The following PCDHGB5 variants were observed in gnomAD, a reference collection of about 807,000 sequenced individuals.
PCDHGB5 encodes protocadherin gamma subfamily B, 5.
Under a neutral mutation model 62.9 loss-of-function variants are expected in PCDHGB5, and 48 were observed. That is an observed-to-expected ratio of 0.76 (90% confidence interval 0.61 to 0.97). The LOEUF (loss-of-function observed/expected upper bound fraction) is 0.97, where lower values mean the gene tolerates loss of function less well. PCDHGB5 is among the 50% of genes least tolerant of loss of function. PCDHGB5 has a pLI of 0.00. For missense variants in PCDHGB5, 1,118 were observed against 1,198.6 expected (o/e 0.93, Z 0.99); for synonymous variants, 474 against 511.2 (o/e 0.93, Z 0.98).
intron 2 of PCDHGB5, 69 bp from the exon 3 acceptor site, chr5:141,505,324 G>T: frequency 6.2e-7 from 1 of 1,607,102 alleles, no homozygotes; most frequent in African/African-American, 1.3e-5. Context: ...GGAGCCCTGG[G>T]AGAGGACAGG....
At chr5:141,502,288 G>C (rs2099813700) in intron 2 of PCDHGB5, among the ~76,000 whole-genome samples, 1 of 151,338 alleles carries the variant, frequency 6.6e-6, no homozygotes, top group African/African-American at 2.5e-5. Flanking sequence ...ATTGCATTTG[G>C]TTGTCACGTC....
intron 1 of PCDHGB5, among the ~76,000 whole-genome samples, chr5:141,465,538 A>AT (rs2099105284): frequency 6.6e-6 from 1 of 152,112 alleles, no homozygotes; most frequent in Non-Finnish European, 1.5e-5. Context: ...TTTCCCAGGC[A>AT]TTTTTTCTGC....
intron 1 of PCDHGB5, chr5:141,421,806 A>C (rs1027166084): frequency 4.3e-6 from 7 of 1,613,724 alleles, no homozygotes; most frequent in Non-Finnish European, 5.1e-6. Flanking sequence ...CCAAGAATCC[A>C]GAGCTAGTAC....
chr5:141,399,717 C>T lies in PCDHGB5; in HGVS notation c.1590C>T (p.Ala530=), dbSNP rs748626326. 3.1e-6 allele frequency: 5 copies of T among 1,613,320 alleles called. No homozygotes were observed. Among genetic ancestry groups the T allele is most frequent in the Non-Finnish European group, 4.2e-6 (5 of 1,179,880 alleles). Residue 530 remains alanine, a synonymous_variant, in exon 1 of 4, where the codon GCC becomes GCT. Transcript: ENST00000617380. ...GCACCTTCGAACTCACACTACAGGC[C>T]CGCGACCAGGGCTCGCCTGCGCTCA... is the stretch of plus-strand genomic sequence containing the variant. ...QLRTFELTLQ[A]RDQGSPALSA...
chr5:141,473,857 G>A (rs981688765), intron 1 of PCDHGB5, among the ~76,000 whole-genome samples: 1 of 152,164 alleles, frequency 6.6e-6, no homozygotes, highest in Non-Finnish European at 1.5e-5. Context: ...GATGAACCTC[G>A]CTATTGTGGA....
rs2099405848 is a variant in PCDHGB5 at position 141,477,120 on chromosome 5, A to G, written c.2398-17687A>G. 2 of 1,614,118 alleles carry G rather than the reference A, an allele frequency of 1.2e-6. No homozygotes were observed. Among genetic ancestry groups the G allele is most frequent in the African/African-American group, 2.7e-5 (2 of 74,942 alleles). On this transcript the variant is annotated intron_variant, in intron 1 of 3. Transcript: ENST00000617380. This position sits in a 1 kb window ranked among gnomAD's most constrained non-coding sequence, Gnocchi z 4.9. ...AAGGGCGCCAATCCCGAAGGAGCAC[A>G]TTGCAAAGTGTTGGTGGAGGTTGTG...
Position 141,399,059 on chromosome 5 carries a change from A to G in PCDHGB5, c.932A>G (p.Tyr311Cys), listed in dbSNP as rs769553635. The change falls in exon 1 of 4, where the codon TAT becomes TGT. Residue 311 changes from tyrosine to cysteine, a missense_variant. By Grantham distance (194) the Tyr-to-Cys change is radical. This residue lies in a region of PCDHGB5 where 1,034 missense variants were observed against 1,029.1 expected (regional missense o/e 1.00). Transcript: ENST00000617380. ...KKLDFEETKE[Y>C]SMVVEGRDGG... ...CTGGATTTTGAAGAGACCAAGGAATATTCAATGGTTGTAGAAGGGAGGGAT... is the reference window on the plus strand; with the variant it reads ...CTGGATTTTGAAGAGACCAAGGAATGTTCAATGGTTGTAGAAGGGAGGGAT... 1.2e-6 allele frequency: 2 copies of G among 1,613,764 alleles called. No homozygotes were observed. The highest frequency in any genetic ancestry group is 1.6e-4 in the Middle Eastern group (1 of 6,084).
chr5:141,475,008 T>C (rs1292437400), intron 1 of PCDHGB5, among the ~76,000 whole-genome samples: 1 of 152,258 alleles, frequency 6.6e-6, no homozygotes, highest in Admixed American at 6.5e-5. Flanking sequence ...TGCAGAAAAG[T>C]TAAGGCTCTT....
intron 1 of PCDHGB5, chr5:141,413,635 A>C: frequency 6.2e-7 from 1 of 1,613,888 alleles, no homozygotes; most frequent in Non-Finnish European, 8.5e-7. Context: ...CGCTGCGGGA[A>C]TGCGTTTTCC....
chr5:141,431,624 G>C lies in PCDHGB5; in HGVS notation c.2397+31100G>C. The C allele has an allele frequency of 2.5e-6, 4 of 1,614,234 alleles. No individual in the cohort carries two copies. Among genetic ancestry groups the C allele is most frequent in the Non-Finnish European group, 3.4e-6 (4 of 1,180,038 alleles). On this transcript the variant is annotated intron_variant, in intron 1 of 3. Transcript: ENST00000617380. This position sits in a 1 kb window ranked among gnomAD's most constrained non-coding sequence, Gnocchi z 4.8. ...CTTCCGGTATGTGGACGACAAGGCG[G>C]CCCAAGTTTTCAAACTAGATTGTAA...
chr5:141,421,910 C>G, intron 1 of PCDHGB5: 1 of 1,613,716 alleles, frequency 6.2e-7, no homozygotes, highest in Non-Finnish European at 8.5e-7. Flanking sequence ...GGCGCAGTTC[C>G]CATTCGTGTG....
At position 141,490,785 on chromosome 5, in the gene PCDHGB5, G is replaced by A. The variant is rs1021708826; in HGVS notation, c.2398-4022G>A. 1.2e-6 allele frequency: 2 copies of A among 1,614,066 alleles called. No individual in the cohort carries two copies. Among genetic ancestry groups the A allele is most frequent in the Non-Finnish European group, 1.7e-6 (2 of 1,179,952 alleles). On this transcript the variant is annotated intron_variant, in intron 1 of 3. Coordinates refer to ENST00000617380, the MANE Select transcript of PCDHGB5 (RefSeq NM_018925.3). The surrounding 1 kb of genome is among the most constrained non-coding windows in gnomAD (Gnocchi z 5.4). ...TGTATGTCAACCCAGAGGATGGACG[G>A]ATCTTTGCCCAGCGTACCTTTGACT...
rs1203945578 is a variant in PCDHGB5 at position 141,512,055 on chromosome 5, T to G, written c.*882T>G. 6.5e-6 allele frequency: 1 copy of G among 152,698 alleles called. No homozygotes were observed. The highest frequency in any genetic ancestry group is 1.5e-5 in the Non-Finnish European group (1 of 68,092). 9.5% of individuals were successfully genotyped at this position (152,698 alleles called of 1,614,324 possible). The stretch of plus-strand genomic sequence containing the variant: ...GAGGCTCTGTATGTCCTCAGGGGAC[T>G]GACAACATCCTCCAGATTCCAGCCA... On this transcript the variant is annotated 3_prime_UTR_variant, in exon 4 of 4. Transcript: ENST00000617380.
intron 1 of PCDHGB5, chr5:141,426,599 A>G (rs1171205143): frequency 2.7e-6 from 1 of 377,348 alleles, no homozygotes; most frequent in Non-Finnish European, 5.4e-6. Flanking sequence ...TCATACCCTT[A>G]GAGATTGTAG....
rs1317699369 is a variant in PCDHGB5 at position 141,477,408 on chromosome 5, A to G, written c.2398-17399A>G. The G allele has an allele frequency of 6.2e-7, 1 of 1,614,098 alleles. No homozygotes were observed. ...TACAACCTCAGCATCACCGCCCGAG[A>G]CGCCGGAACCCCTTCCCTCTCAGCC... On this transcript the variant is annotated intron_variant, in intron 1 of 3. Transcript: ENST00000617380. This position sits in a 1 kb window ranked among gnomAD's most constrained non-coding sequence, Gnocchi z 4.9.
intron 1 of PCDHGB5, among the ~76,000 whole-genome samples, chr5:141,446,714 G>T (rs193229261): frequency 2.6e-5 from 4 of 152,044 alleles, no homozygotes; most frequent in African/African-American, 9.7e-5. Flanking sequence ...TGATCTGCCC[G>T]CCTCGGCCTC....
At chr5:141,447,950 G>T (rs1195519095) in intron 1 of PCDHGB5, among the ~76,000 whole-genome samples, 1 of 152,052 alleles carries the variant, frequency 6.6e-6, no homozygotes, top group Non-Finnish European at 1.5e-5. Flanking sequence ...GCTGGGCATG[G>T]TGGCGGACAC....
At chr5:141,460,981 G>GTATA (rs1491204135) in intron 1 of PCDHGB5, among the ~76,000 whole-genome samples, 10 of 121,884 alleles carry the variant, frequency 8.2e-5, no homozygotes, top group African/African-American at 3.1e-4. Context: ...GTGTGTGTGT[G>GTATA]TGTATATATA....
In PCDHGB5 at chr5:141,510,976, G is replaced by A. The variant is rs752758180; in HGVS notation, c.2575G>A (p.Gly859Arg). The change falls in exon 4 of 4, where the codon GGG (glycine) becomes AGG (arginine). Residue 859 changes from glycine to arginine, a missense_variant. Gly to Arg is a moderately radical substitution (Grantham distance 125, BLOSUM62 -2). This residue lies in a region of PCDHGB5 where 1,034 missense variants were observed against 1,029.1 expected (regional missense o/e 1.00). Transcript: ENST00000617380. ...EAADGSSTLG[G>R]GAGTMGLSAR... ...TGCTGATGGGAGCTCCACCCTGGGA[G>A]GGGGTGCCGGCACCATGGGATTGAG... The A allele has an allele frequency of 5.0e-6, 8 of 1,614,046 alleles. No individual in the cohort carries two copies. The highest frequency in any genetic ancestry group is 6.8e-6 in the Non-Finnish European group (8 of 1,180,022).
Sources: gnomAD v4.1 joint callset for allele counts (sites outside exome capture counted in the v4.1 genomes callset) on GRCh38, gnomAD v4.1.1 for gene constraint, gnomAD v4.1.1 regional missense constraint, Gnocchi (gnomAD v3.1) non-coding constraint, MANE v1.5 for transcripts, NCBI Gene and HGNC (gene_info 2026-07-23, HGNC 2026-07-21) for gene names.